TTC27: variants seen among roughly 807,000 people sequenced by gnomAD.
TTC27 encodes the protein tetratricopeptide repeat protein 27.
TTC27 carries 79 observed loss-of-function variants against 115.9 expected under a neutral mutation model. The ratio of observed to expected loss-of-function variants is 0.68; its 90% CI spans 0.57 to 0.82. The LOEUF (loss-of-function observed/expected upper bound fraction) is 0.82. TTC27 is among the 40% of genes least tolerant of loss of function. The probability of loss-of-function intolerance (pLI) is 0.00; values close to 1 mark genes in which losing one functional copy is unlikely to be tolerated. For missense variants in TTC27, 1,054 were observed against 993.1 expected, an observed-to-expected ratio of 1.06 and a Z score of -0.82; for synonymous variants, 401 against 356.0, an observed-to-expected ratio of 1.13 and a Z score of -1.42.
chr2:32,816,990 C>T (rs943166508), intron 18 of TTC27, among the ~76,000 whole-genome samples: 1 of 152,034 alleles, frequency 6.6e-6, no homozygotes, highest in Admixed American at 6.6e-5. Context: ...TGTGTGTGCT[C>T]GAATGCATGC....
At chr2:32,726,198 C>T (rs1167389197) in intron 10 of TTC27, among the ~76,000 whole-genome samples, 1 of 152,208 alleles carries the variant, frequency 6.6e-6, no homozygotes, top group Admixed American at 6.5e-5. Context: ...ACATTCGGCT[C>T]CTGGTTACTT....
intron 10 of TTC27, among the ~76,000 whole-genome samples, chr2:32,710,709 G>C (rs527289776): frequency 7.2e-5 from 11 of 151,912 alleles, no homozygotes; most frequent in Non-Finnish European, 1.5e-4. Flanking sequence ...GATTACAGAC[G>C]TGAGCCACCA....
intron 12 of TTC27, among the ~76,000 whole-genome samples, chr2:32,740,944 C>T (rs1166242645): frequency 6.6e-6 from 1 of 152,176 alleles, no homozygotes; most frequent in African/African-American, 2.4e-5. Flanking sequence ...CATGAGCCAC[C>T]GCACCCAGCC....
intron 19 of TTC27, 31 bp from the exon 20 acceptor site, chr2:32,820,785 T>C: frequency 2.0e-6 from 3 of 1,506,596 alleles, no homozygotes; most frequent in Non-Finnish European, 2.7e-6. Context: ...TGTGTTGTTT[T>C]AATACTTCTG....
intron 9 of TTC27, among the ~76,000 whole-genome samples, chr2:32,694,674 CTTTTTTTT>C (rs200028307): frequency 7.4e-6 from 1 of 135,554 alleles, no homozygotes; most frequent in South Asian, 2.4e-4. Context: ...ATTCCTATTT[CTTTTTTTT>C]TTTTTTTTTC....
At chr2:32,747,189 G>A (rs1031176979) in intron 12 of TTC27, among the ~76,000 whole-genome samples, 1 of 152,132 alleles carries the variant, frequency 6.6e-6, no homozygotes, top group Non-Finnish European at 1.5e-5. Flanking sequence ...AGTTGGTGGA[G>A]GAAATATATG....
At chr2:32,695,979 C>T (rs1191484915) in intron 9 of TTC27, among the ~76,000 whole-genome samples, 2 of 150,340 alleles carry the variant, frequency 1.3e-5, no homozygotes, top group East Asian at 4.0e-4. Context: ...GAAAATTAGC[C>T]GGTCGTGGTG....
Position 32,646,716 on chromosome 2 carries a change from A to G in TTC27, c.538-3415A>G, listed in dbSNP as rs1048460994. 2.6e-5 allele frequency among the ~76,000 whole-genome samples: 4 copies of G among 151,792 alleles called. No individual in the cohort carries two copies. The East Asian group carries it at 7.8e-4, about 30-fold the overall frequency. ...GTAGCTGGGACTACAGGCTCCCACC[A>G]GTACGCCCAGCTAATTTTTTGTATT... On this transcript the variant is annotated intron_variant, in intron 4 of 19. Transcript: ENST00000317907.
intron 16 of TTC27, among the ~76,000 whole-genome samples, chr2:32,791,288 T>G (rs947564655): frequency 3.9e-5 from 6 of 152,188 alleles, no homozygotes; most frequent in African/African-American, 1.4e-4. Context: ...CTTTTCTTCC[T>G]TTTTTGTTTT....
intron 4 of TTC27, among the ~76,000 whole-genome samples, chr2:32,640,918 G>T (rs1664621219): frequency 3.3e-5 from 5 of 152,084 alleles, no homozygotes; most frequent in Admixed American, 2.6e-4. Context: ...GGAGGTGGAG[G>T]TTGCAGTGAG....
At chr2:32,682,614 T>C (rs186835088) in intron 9 of TTC27, among the ~76,000 whole-genome samples, 23 of 152,102 alleles carry the variant, frequency 1.5e-4, no homozygotes, top group African/African-American at 5.5e-4. Context: ...TTGTGAACTA[T>C]TGAGGCTACA....
chr2:32,656,953 A>G (rs78817133), intron 5 of TTC27, among the ~76,000 whole-genome samples: 2,385 of 150,966 alleles, frequency 0.016, 61 homozygotes, highest in African/African-American at 0.055. Flanking sequence ...GAAGAATAGG[A>G]CTTAAACCTT....
At chr2:32,710,021 T>C (rs1056132490) in intron 10 of TTC27, among the ~76,000 whole-genome samples, 1 of 152,186 alleles carries the variant, frequency 6.6e-6, no homozygotes, top group African/African-American at 2.4e-5. Context: ...TTTTTTTGTT[T>C]GTTTGTATTT....
intron 9 of TTC27, among the ~76,000 whole-genome samples, chr2:32,683,077 G>A (rs1055939716): frequency 6.6e-6 from 1 of 151,568 alleles, no homozygotes; most frequent in African/African-American, 2.4e-5. Context: ...GGATGGTCTC[G>A]ATCTCCTGAC....
At chr2:32,676,961 A>G (rs947532191) in intron 8 of TTC27, among the ~76,000 whole-genome samples, 1 of 151,756 alleles carries the variant, frequency 6.6e-6, no homozygotes, top group East Asian at 1.9e-4. Context: ...AATATTTAAT[A>G]TTCCATTTGG....
intron 10 of TTC27, among the ~76,000 whole-genome samples, chr2:32,729,393 G>A (rs894155255): frequency 6.6e-6 from 1 of 152,062 alleles, no homozygotes; most frequent in African/African-American, 2.4e-5. Flanking sequence ...GAAAGGAGAG[G>A]GGACATCATT....
chr2:32,801,132 G>A (rs1485345901), intron 16 of TTC27, among the ~76,000 whole-genome samples: 1 of 152,168 alleles, frequency 6.6e-6, no homozygotes, highest in South Asian at 2.1e-4. Flanking sequence ...AGCCAGGAGA[G>A]TGCCCTCGGA....
chr2:32,633,534 C>G (rs938728289), intron 2 of TTC27, among the ~76,000 whole-genome samples: 5 of 151,872 alleles, frequency 3.3e-5, no homozygotes, highest in Admixed American at 2.0e-4. Flanking sequence ...ATGCATCAGC[C>G]TCTTGAGTAG....
At chr2:32,631,123 G>C (rs1248701304) in intron 2 of TTC27, among the ~76,000 whole-genome samples, 2 of 152,130 alleles carry the variant, frequency 1.3e-5, no homozygotes, top group Non-Finnish European at 2.9e-5. Flanking sequence ...GGCAAACATG[G>C]TGAAACCCCG....
Sources: gnomAD v4.1 joint callset for allele counts (sites outside exome capture counted in the v4.1 genomes callset) on GRCh38, gnomAD v4.1.1 for gene constraint, MANE v1.5 for transcripts, NCBI Gene and HGNC (gene_info 2026-07-23, HGNC 2026-07-21) for gene names.